Variants in TOP6BL observed in about 807,000 individuals in gnomAD.
The protein encoded by TOP6BL is type 2 DNA topoisomerase 6 subunit B-like.
At chr11:66,778,708 A>G in the TOP6BL span, among the ~76,000 whole-genome samples, 10 of 152,338 alleles carry the variant, frequency 6.6e-5, no homozygotes, top group African/African-American at 1.9e-4. Context: ...TTGCCAAGTC[A>G]ATCTTAAGCC....
the TOP6BL span, among the ~76,000 whole-genome samples, chr11:66,791,852 C>G: frequency 4.7e-5 from 7 of 147,756 alleles, no homozygotes; most frequent in African/African-American, 1.5e-4. Flanking sequence ...GAGTCTTGCT[C>G]TGTGGCCCAG....
At chr11:66,813,263 C>T in the TOP6BL span, among the ~76,000 whole-genome samples, 1 of 152,132 alleles carries the variant, frequency 6.6e-6, no homozygotes, top group Non-Finnish European at 1.5e-5. Context: ...GAACTTAAAA[C>T]AATGTTAACC....
chr11:66,759,007 T>G, the TOP6BL span: 10 of 1,466,170 alleles, frequency 6.8e-6, no homozygotes, highest in Non-Finnish European at 8.3e-6. Context: ...TGCATTTACT[T>G]ATTTGTGATA....
At chr11:66,805,857 A>G in the TOP6BL span, among the ~76,000 whole-genome samples, 1 of 152,216 alleles carries the variant, frequency 6.6e-6, no homozygotes, top group Non-Finnish European at 1.5e-5. Context: ...TTACACATTT[A>G]AAATGAGTGA....
chr11:66,774,929 A>G, the TOP6BL span, among the ~76,000 whole-genome samples: 1 of 151,464 alleles, frequency 6.6e-6, no homozygotes, highest in African/African-American at 2.4e-5. Flanking sequence ...CCTGGCCAAC[A>G]TGGTGAAACC....
At chr11:66,793,452 T>TG in the TOP6BL span, among the ~76,000 whole-genome samples, 1 of 147,254 alleles carries the variant, frequency 6.8e-6, no homozygotes, top group Non-Finnish European at 1.5e-5. Flanking sequence ...TTGTTTTTTT[T>TG]TTTTTTTTTT....
the TOP6BL span, among the ~76,000 whole-genome samples, chr11:66,825,841 C>CT: frequency 0.014 from 2,023 of 142,834 alleles, 36 homozygotes; most frequent in African/African-American, 0.044. Flanking sequence ...ATATTTGTTG[C>CT]TTTTTTTTTT....
chr11:66,818,913 G>A, the TOP6BL span, among the ~76,000 whole-genome samples: 1 of 152,152 alleles, frequency 6.6e-6, no homozygotes, highest in Admixed American at 6.5e-5. Flanking sequence ...TGACCCTGAA[G>A]GCCTGCAGTA....
chr11:66,838,540 C>G, the TOP6BL span: 12 of 1,146,188 alleles, frequency 1.0e-5, no homozygotes, highest in Non-Finnish European at 1.5e-5. Flanking sequence ...GTACCTTCTA[C>G]TACAGCGGCG....
At chr11:66,745,769 A>C in the TOP6BL span, among the ~76,000 whole-genome samples, 1 of 152,094 alleles carries the variant, frequency 6.6e-6, no homozygotes, top group Non-Finnish European at 1.5e-5. Context: ...CTGCGCTGTC[A>C]TACCGACATG....
At chr11:66,829,393 T>G in the TOP6BL span, among the ~76,000 whole-genome samples, 1 of 152,124 alleles carries the variant, frequency 6.6e-6, no homozygotes, top group African/African-American at 2.4e-5. Flanking sequence ...CTGGCCAACA[T>G]GGTGAAACCC....
At chr11:66,782,997 T>G in the TOP6BL span, among the ~76,000 whole-genome samples, 1 of 152,168 alleles carries the variant, frequency 6.6e-6, no homozygotes, top group Non-Finnish European at 1.5e-5. Flanking sequence ...TGAGGACTTG[T>G]AGATGGTAAA....
chr11:66,771,670 G>A, the TOP6BL span: 1 of 157,566 alleles, frequency 6.3e-6, no homozygotes, highest in Non-Finnish European at 1.4e-5. Context: ...TAATTCTGAT[G>A]AGTCTAGTTG....
At chr11:66,758,905 A>G in the TOP6BL span, 8 of 478,424 alleles carry the variant, frequency 1.7e-5, no homozygotes, top group South Asian at 4.6e-4. Context: ...TGATGTTTCC[A>G]TTTTTACCAA....
At chr11:66,749,467 G>A in the TOP6BL span, among the ~76,000 whole-genome samples, 1 of 152,168 alleles carries the variant, frequency 6.6e-6, no homozygotes, top group Non-Finnish European at 1.5e-5. Flanking sequence ...CAAGAAACTC[G>A]ATTCTGCATT....
chr11:66,829,582 AAAAAC>A, the TOP6BL span, among the ~76,000 whole-genome samples: 23 of 142,444 alleles, frequency 1.6e-4, 1 homozygote, highest in East Asian at 4.2e-3. Flanking sequence ...CAGAAAAAAA[AAAAAC>A]AAAACCATGA....
the TOP6BL span, among the ~76,000 whole-genome samples, chr11:66,764,476 C>T: frequency 6.7e-6 from 1 of 148,412 alleles, no homozygotes; most frequent in Non-Finnish European, 1.5e-5. Context: ...CATAGTGAAA[C>T]CCTGTCTCTA....
At chr11:66,837,609 TA>T in the TOP6BL span, among the ~76,000 whole-genome samples, 1 of 151,842 alleles carries the variant, frequency 6.6e-6, no homozygotes, top group Non-Finnish European at 1.5e-5. Flanking sequence ...CACAGCCAGC[TA>T]ATTTTTGTAT....
At chr11:66,779,221 C>G in the TOP6BL span, among the ~76,000 whole-genome samples, 6 of 152,086 alleles carry the variant, frequency 3.9e-5, no homozygotes, top group Non-Finnish European at 7.3e-5. Context: ...TCAGAGTGAA[C>G]AGGCAACCTA....
Sources: allele counts gnomAD v4.1 joint callset (sites outside exome capture counted in the v4.1 genomes callset), GRCh38; gene constraint gnomAD v4.1.1; transcripts MANE v1.5; gene names NCBI Gene and HGNC (gene_info 2026-07-23, HGNC 2026-07-21).